MVP: variants seen among roughly 807,000 people sequenced by gnomAD.
MVP encodes major vault protein, also known as lung resistance-related protein.
Under a neutral mutation model 83.5 loss-of-function variants are expected in MVP, and 62 were observed. That is an observed-to-expected ratio of 0.74 (90% CI 0.61 to 0.92). MVP has a LOEUF of 0.92. Among genes scored for constraint, MVP ranks in the 40% least tolerant of loss-of-function variants. MVP has a pLI of 0.00. For synonymous variants in MVP, 505 were observed against 504.1 expected (o/e 1.00, Z -0.02); for missense variants, 1,000 against 1,203.4 (o/e 0.83, Z 2.50).
intron 6 of MVP, 80 bp downstream of exon 6, chr16:29,835,878 C>A (rs1567391550): frequency 1.7e-6 from 2 of 1,158,702 alleles, no homozygotes; most frequent in Admixed American, 2.0e-5. Flanking sequence ...GGTAGAATGG[C>A]ATGAGAGTAA....
In MVP at chr16:29,844,495, A is replaced by G. The variant is rs958350171; in HGVS notation, c.1637A>G (p.His546Arg). ...ATTCTGGGCCTGTTTGTTCACAGGC[A>G]CTTTGAGGTGAATGACCGGAAGGAC... ...RLQLQLAYNW[H>R]FEVNDRKDPQ... Residue 546 changes from histidine (H) to arginine (R), a missense_variant and splice_region_variant, in exon 11 of 15, where the codon CAC becomes CGC. His to Arg is a conservative substitution (Grantham distance 29). Coordinates refer to ENST00000357402, the MANE Select transcript of MVP (RefSeq NM_005115.5). The G allele has an allele frequency of 1.3e-6, 2 of 1,535,872 alleles. No homozygotes were observed. Among genetic ancestry groups the G allele is most frequent in the Admixed American group, 2.1e-5 (1 of 48,176 alleles).
At chr16:29,842,398 C>T (rs569920766) in intron 10 of MVP, among the ~76,000 whole-genome samples, 2 of 152,198 alleles carry the variant, frequency 1.3e-5, no homozygotes, top group South Asian at 4.1e-4. Context: ...CCCCACCTCC[C>T]GGATTCAAGC....
At chr16:29,831,792 G>C in intron 3 of MVP, 1 of 451,194 alleles carries the variant, frequency 2.2e-6, no homozygotes, top group Admixed American at 2.4e-5. Flanking sequence ...CCTGTTCTAG[G>C]AGAAGCCATC....
rs193020556 is a variant in MVP, at chr16:29,833,448, C to T, written c.322-285C>T. 878 of 327,412 alleles carry T rather than the reference C, an allele frequency of 2.7e-3. 4 individuals are homozygous for T. The highest frequency in any genetic ancestry group is 3.5e-3 in the Non-Finnish European group (596 of 172,036). 20.3% of individuals were successfully genotyped at this position (327,412 alleles called of 1,614,324 possible). ...AGTAGCTGGGACTACAGGTGTGCGC[C>T]GCCACCATGCCTGGCTACACTTTTT... On this transcript the variant is annotated intron_variant, in intron 3 of 14. Coordinates refer to ENST00000357402, the MANE Select transcript of MVP (RefSeq NM_005115.5).
chr16:29,824,051 T>TCC (rs1357714284), intron 1 of MVP, among the ~76,000 whole-genome samples: 2 of 151,214 alleles, frequency 1.3e-5, no homozygotes, highest in Non-Finnish European at 2.9e-5. Flanking sequence ...CGAAACCCTG[T>TCC]CCACTAAAAA....
intron 10 of MVP, among the ~76,000 whole-genome samples, chr16:29,843,384 A>G (rs1200099391): frequency 2.7e-5 from 4 of 150,934 alleles, no homozygotes; most frequent in Non-Finnish European, 5.9e-5. Context: ...AGACCCAACT[A>G]CTTGGAAGGC....
At chr16:29,835,493 A>AG (rs1211621121) in intron 5 of MVP, 1 of 331,176 alleles carries the variant, frequency 3.0e-6, no homozygotes, top group East Asian at 5.3e-5. Context: ...AAAAAAAAAA[A>AG]AAAAAAAAAA....
intron 1 of MVP, among the ~76,000 whole-genome samples, chr16:29,826,597 G>A (rs1310718351): frequency 6.7e-6 from 1 of 149,544 alleles, no homozygotes; most frequent in East Asian, 2.0e-4. Flanking sequence ...ACTCCAGCCT[G>A]GGCAACAAAG....
Position 29,821,185 on chromosome 16 carries a change from C to CT in MVP, c.-36+677dup, listed in dbSNP as rs1307588464. The CT allele has an allele frequency of 5.2e-5, 8 of 152,398 alleles. No individual in the cohort carries two copies. The East Asian group carries it at 7.7e-4, about 15-fold the overall frequency. 9.4% of individuals were successfully genotyped at this position (152,398 alleles called of 1,614,324 possible). On this transcript the variant is annotated intron_variant, in intron 1 of 14. Transcript: ENST00000357402. ...GAGCTGTCCCTTGGGGAGCCAAGCA[C>CT]TTGGGGGTGGAGGTGATAGCGAGGC...
At chr16:29,843,861 C>A (rs1483629625) in intron 10 of MVP, among the ~76,000 whole-genome samples, 1 of 152,152 alleles carries the variant, frequency 6.6e-6, no homozygotes, top group Non-Finnish European at 1.5e-5. Context: ...GATCGAGCCA[C>A]TGCACTCCAG....
intron 3 of MVP, chr16:29,831,868 G>A: frequency 2.8e-6 from 1 of 362,050 alleles, no homozygotes; most frequent in Admixed American, 3.5e-5. Context: ...GAGCAGGTGG[G>A]TGTCCCACCT....
intron 13 of MVP, 69 bp downstream of exon 13, chr16:29,846,353 C>T: frequency 6.7e-7 from 1 of 1,498,912 alleles, no homozygotes; most frequent in Non-Finnish European, 8.9e-7. Context: ...CCTACAGTCC[C>T]TGAGACTGTA....
At chr16:29,829,073 C>CT (rs36101620) in intron 1 of MVP, among the ~76,000 whole-genome samples, 24,595 of 128,266 alleles carry the variant, frequency 0.19, 3,128 homozygotes, top group African/African-American at 0.34. Context: ...TGAGGAACCA[C>CT]TTTTTTTTTT....
intron 3 of MVP, 148 bp from the exon 4 acceptor site, chr16:29,833,585 C>A: frequency 1.0e-6 from 1 of 986,646 alleles, no homozygotes; most frequent in Non-Finnish European, 1.4e-6. Flanking sequence ...TCTGGGATGA[C>A]AGGTGTGAGC....
chr16:29,840,586 T>A, intron 8 of MVP, 127 bp downstream of exon 8: 1 of 1,134,934 alleles, frequency 8.8e-7, no homozygotes. Context: ...GTGGGCTGTC[T>A]GGTTGGGGGA....
Position 29,844,950 on chromosome 16 carries a change from GCATCCCTTGTGGACTGCCTGCTGC to G in MVP, c.2021+79_2021+102del, listed in dbSNP as rs753288044. ...CCACTGCTGGGAACTGGATAACCTG[GCATCCCTTGTGGACTGCCTGCTGC>G]CATCCCTACCCTCAAAGATCTATTC... On this transcript the variant is annotated intron_variant, in intron 11 of 14. Coordinates refer to ENST00000357402, the MANE Select transcript of MVP (RefSeq NM_005115.5). The G allele has an allele frequency of 3.3e-4, 500 of 1,527,374 alleles. 1 individual carries two copies. Among genetic ancestry groups the G allele is most frequent in the Non-Finnish European group, 4.0e-4 (459 of 1,141,992 alleles). 94.6% of individuals were successfully genotyped at this position (1,527,374 alleles called of 1,614,324 possible).
Position 29,847,862 on chromosome 16 carries a change from G to A in MVP, c.2555G>A (p.Gly852Glu). Residue 852 changes from glycine (G) to glutamate (E), a missense_variant, in exon 15 of 15, where the codon GGG becomes GAG. By Grantham distance (98) the Gly-to-Glu change is moderately conservative. Transcript: ENST00000357402. ...FNTAFGLLGM[G>E]PEGQPLGRRV... is the part of the protein sequence containing the mutation. ...ACAGCCTTTGGGCTGCTGGGGATGG[G>A]GCCCGAGGGTCAGCCCCTGGGCAGA... The A allele has an allele frequency of 6.2e-7, 1 of 1,614,174 alleles. No individual in the cohort carries two copies. Among genetic ancestry groups the A allele is most frequent in the South Asian group, 1.1e-5 (1 of 91,086 alleles).
intron 11 of MVP, 42 bp downstream of exon 11, chr16:29,844,921 C>A: frequency 6.4e-7 from 1 of 1,562,992 alleles, no homozygotes; most frequent in East Asian, 2.2e-5. Flanking sequence ...ATGCCCATGG[C>A]AGGCCACTGC....
Position 29,841,497 on chromosome 16 carries a change from G to T in MVP, c.1192-99G>T. 6.9e-7 allele frequency: 1 copy of T among 1,443,830 alleles called. No homozygotes were observed. Among genetic ancestry groups the T allele is most frequent in the Non-Finnish European group, 9.2e-7 (1 of 1,084,832 alleles). The allele number at this position is 1,443,830 out of a possible 1,614,324, so 89.4% of individuals were successfully genotyped here. The stretch of plus-strand genomic sequence containing the variant: ...CCGTAGAGAAGGTGTTTAACCTCGT[G>T]GCGCGCCTTCCCTGGATGGGCTCTG... On this transcript the variant is annotated intron_variant, in intron 8 of 14. Coordinates refer to ENST00000357402, the MANE Select transcript of MVP (RefSeq NM_005115.5). This position sits in a 1 kb window ranked among gnomAD's most constrained non-coding sequence, Gnocchi z 4.7.
Sources: gnomAD v4.1 joint callset for allele counts (sites outside exome capture counted in the v4.1 genomes callset) on GRCh38, gnomAD v4.1.1 for gene constraint, Gnocchi (gnomAD v3.1) non-coding constraint, MANE v1.5 for transcripts, NCBI Gene and HGNC (gene_info 2026-07-23, HGNC 2026-07-21) for gene names.